The following MS4A5 variants were observed in gnomAD, a reference collection of about 807,000 sequenced individuals.
MS4A5 encodes membrane-spanning 4-domains subfamily A member 5.
A neutral mutation model predicts 18.2 loss-of-function variants in MS4A5; 15 were observed. That is an observed-to-expected ratio of 0.83 (90% CI 0.55 to 1.27). The LOEUF (loss-of-function observed/expected upper bound fraction) is 1.27. Among genes scored for constraint, MS4A5 ranks in the 50% most tolerant of loss-of-function variants. MS4A5 has a pLI of 0.00. For missense variants in MS4A5, 232 were observed against 225.7 expected, an observed-to-expected ratio of 1.03 and a Z score of -0.18; for synonymous variants, 89 against 78.7, an observed-to-expected ratio of 1.13 and a Z score of -0.69.
At chr11:60,432,966 A>G (rs1399012545) in intron 3 of MS4A5, among the ~76,000 whole-genome samples, 1 of 152,202 alleles carries the variant, frequency 6.6e-6, no homozygotes, top group Non-Finnish European at 1.5e-5. Context: ...ATTATAACCC[A>G]TTATGCTAGA....
intron 4 of MS4A5, among the ~76,000 whole-genome samples, chr11:60,435,872 C>T (rs1261464862): frequency 6.6e-6 from 1 of 152,218 alleles, no homozygotes; most frequent in Non-Finnish European, 1.5e-5. Flanking sequence ...CCCGCCATTG[C>T]CCAGGCTTGC....
chr11:60,437,372 C>T (rs1261038854), intron 4 of MS4A5, among the ~76,000 whole-genome samples: 6 of 148,342 alleles, frequency 4.0e-5, no homozygotes, highest in African/African-American at 1.5e-4. Context: ...AACTAACGAG[C>T]AAAATAACCA....
chr11:60,433,031 C>T (rs2086059613), intron 3 of MS4A5, among the ~76,000 whole-genome samples: 1 of 152,148 alleles, frequency 6.6e-6, no homozygotes, highest in Non-Finnish European at 1.5e-5. Flanking sequence ...TATGAAGACA[C>T]TGAGGCTTAC....
intron 4 of MS4A5, among the ~76,000 whole-genome samples, chr11:60,445,633 A>G (rs1186721164): frequency 6.6e-6 from 1 of 152,228 alleles, no homozygotes; most frequent in Non-Finnish European, 1.5e-5. Flanking sequence ...AGATAACAGC[A>G]ACATTTTCAT....
At chr11:60,445,511 C>T (rs1194750886) in intron 4 of MS4A5, among the ~76,000 whole-genome samples, 3 of 152,076 alleles carry the variant, frequency 2.0e-5, no homozygotes, top group Admixed American at 1.3e-4. Context: ...CCACCAGCCT[C>T]GGCCTCCCAA....
intron 4 of MS4A5, among the ~76,000 whole-genome samples, chr11:60,446,088 A>G (rs2086136796): frequency 6.6e-6 from 1 of 152,146 alleles, no homozygotes; most frequent in Admixed American, 6.5e-5. Flanking sequence ...TAAAACAAAC[A>G]AACAAAAAAA....
At chr11:60,445,857 T>C (rs1388002929) in intron 4 of MS4A5, among the ~76,000 whole-genome samples, 1 of 152,218 alleles carries the variant, frequency 6.6e-6, no homozygotes, top group East Asian at 1.9e-4. Flanking sequence ...TAATGAGTTA[T>C]AATTTATGGC....
rs865928169 is a variant in MS4A5 at position 60,438,071 on chromosome 11, A to G, written c.492+4154A>G. 7.2e-4 allele frequency among the ~76,000 whole-genome samples: 110 copies of G among 152,154 alleles called. 1 individual carries two copies. The South Asian group carries it at 0.022, about 31-fold the overall frequency. ...AAAAGAACAGAAATTATAACAAACT[A>G]TCTCTCAGACCACAGTGCAATCAAA... On this transcript the variant is annotated intron_variant, in intron 4 of 4. Transcript: ENST00000300190.
At chr11:60,435,444 G>C (rs781029978) in intron 4 of MS4A5, 1 of 434,868 alleles carries the variant, frequency 2.3e-6, no homozygotes, top group Non-Finnish European at 4.5e-6. Context: ...TGGCCAAATA[G>C]GAACAGCTCC....
intron 4 of MS4A5, among the ~76,000 whole-genome samples, chr11:60,444,396 G>A (rs1034053643): frequency 6.6e-6 from 1 of 151,994 alleles, no homozygotes; most frequent in Non-Finnish European, 1.5e-5. Flanking sequence ...ATATCTTCAC[G>A]ACCATGGTAG....
chr11:60,441,397 G>A (rs1486776518), intron 4 of MS4A5, among the ~76,000 whole-genome samples: 1 of 98,692 alleles, frequency 1.0e-5, no homozygotes, highest in Non-Finnish European at 2.1e-5. Flanking sequence ...CCTGCACAAT[G>A]TGCACATGTA....
intron 4 of MS4A5, among the ~76,000 whole-genome samples, chr11:60,444,561 C>T (rs1565189337): frequency 1.3e-5 from 2 of 152,074 alleles, no homozygotes; most frequent in Admixed American, 6.5e-5. Flanking sequence ...ATATTAAGCA[C>T]TCCTGAAAAT....
chr11:60,445,246 GA>G (rs1424189607), intron 4 of MS4A5, among the ~76,000 whole-genome samples: 1 of 151,814 alleles, frequency 6.6e-6, no homozygotes, highest in Non-Finnish European at 1.5e-5. Flanking sequence ...GAAAGAAAAA[GA>G]GATAAAAGAC....
intron 4 of MS4A5, among the ~76,000 whole-genome samples, chr11:60,439,883 T>C (rs2086100939): frequency 1.1e-5 from 1 of 87,008 alleles, no homozygotes; most frequent in East Asian, 3.1e-4. Context: ...GCCATCCCCA[T>C]CAAGCTACCA....
intron 1 of MS4A5, 98 bp downstream of exon 1, chr11:60,429,925 A>G (rs910505009): frequency 1.7e-6 from 2 of 1,154,246 alleles, no homozygotes; most frequent in African/African-American, 3.1e-5. Flanking sequence ...GCCTATTCCA[A>G]TTCTTCTTTA....
intron 4 of MS4A5, 56 bp from the exon 5 acceptor site, chr11:60,447,593 C>T (rs12787520): frequency 4.2e-6 from 4 of 943,008 alleles, no homozygotes; most frequent in African/African-American, 3.4e-5. Flanking sequence ...TCAGGAAAAC[C>T]GTTACTGTGC....
rs765728539 is a variant in MS4A5, at chr11:60,429,630, A to G, written c.-45A>G. On this transcript the variant is annotated 5_prime_UTR_variant, in exon 1 of 5. Coordinates refer to ENST00000300190, the MANE Select transcript of MS4A5 (RefSeq NM_023945.3). Reference sequence around the variant, plus strand: ...AAGAAAAGAACATGGTCTAGACTGAAGTACCAACTAAATCATCTCCTTTCA... The same window carrying G: ...AAGAAAAGAACATGGTCTAGACTGAGGTACCAACTAAATCATCTCCTTTCA... 1.3e-6 allele frequency: 2 copies of G among 1,574,400 alleles called. No individual in the cohort carries two copies. The highest frequency in any genetic ancestry group is 1.7e-6 in the Non-Finnish European group (2 of 1,162,156).
chr11:60,430,961 C>T, intron 2 of MS4A5, 37 bp downstream of exon 2: 2 of 1,589,442 alleles, frequency 1.3e-6, no homozygotes, highest in South Asian at 1.2e-5. Context: ...TGAAGCCATG[C>T]CAACCAGGAT....
chr11:60,433,943 A>G (rs770437511), intron 4 of MS4A5, 26 bp downstream of exon 4: 2 of 1,603,994 alleles, frequency 1.2e-6, no homozygotes. Flanking sequence ...TTATAGAGTG[A>G]TGAGTAAAGG....
Sources: gnomAD v4.1 joint callset for allele counts (sites outside exome capture counted in the v4.1 genomes callset) on GRCh38, gnomAD v4.1.1 for gene constraint, MANE v1.5 for transcripts, NCBI Gene and HGNC (gene_info 2026-07-23, HGNC 2026-07-21) for gene names.